Variants in SUGCT observed in about 807,000 individuals in gnomAD.
SUGCT encodes succinyl-CoA:glutarate-CoA transferase.
Under a neutral mutation model 55.0 loss-of-function variants are expected in SUGCT, and 41 were observed. The observed-to-expected ratio is 0.74, with a 90% CI of 0.58 to 0.97. The LOEUF (loss-of-function observed/expected upper bound fraction) is 0.97. Among genes scored for constraint, SUGCT ranks in the 50% least tolerant of loss-of-function variants. SUGCT has a pLI of 0.00. For synonymous variants in SUGCT, 187 were observed against 200.4 expected (o/e 0.93, Z 0.56); for missense variants, 568 against 547.8 (o/e 1.04, Z -0.37).
intron 11 of SUGCT, among the ~76,000 whole-genome samples, chr7:40,482,036 C>T (rs894645849): frequency 5.3e-5 from 8 of 151,900 alleles, no homozygotes; most frequent in Admixed American, 3.9e-4. Flanking sequence ...AAACTTGTTC[C>T]GTGAATAAAT....
At chr7:40,366,696 A>T (rs1583522867) in intron 9 of SUGCT, among the ~76,000 whole-genome samples, 2 of 152,300 alleles carry the variant, frequency 1.3e-5, no homozygotes, top group South Asian at 2.1e-4. Context: ...AGAGAAATGC[A>T]AATCAAAACC....
At position 40,822,240 on chromosome 7, in the gene SUGCT, G is replaced by T. The variant is rs181895112; in HGVS notation, c.1154-38076G>T. 6.0e-4 allele frequency among the ~76,000 whole-genome samples: 92 copies of T among 152,312 alleles called. 2 individuals are homozygous for T. Among genetic ancestry groups the T allele is most frequent in the Admixed American group, 2.9e-3 (44 of 15,304 alleles). On this transcript the variant is annotated intron_variant, in intron 13 of 13. Transcript: ENST00000335693. ...TGGTGCTGAGAAGAATGTATATTCT[G>T]TTGATTTTGGGTGGAGAGTTCTATA...
At position 40,135,123 on chromosome 7, in the gene SUGCT, A is replaced by G; in HGVS notation, c.100+3A>G. 2 of 1,549,284 alleles carry G rather than the reference A, an allele frequency of 1.3e-6. No homozygotes were observed. The highest frequency in any genetic ancestry group is 1.7e-6 in the Non-Finnish European group (2 of 1,147,428). On this transcript the variant is annotated splice_donor_region_variant and intron_variant, in intron 1 of 13. Transcript: ENST00000335693. ...GTGGACTGGCCGCCCGCAGTCAGGT[A>G]CCCTCCGAGATTCGGTCTGGGTGGC...
At chr7:40,300,523 A>C (rs558286125) in intron 8 of SUGCT, among the ~76,000 whole-genome samples, 2 of 152,362 alleles carry the variant, frequency 1.3e-5, no homozygotes, top group Admixed American at 1.3e-4. Context: ...GGGTTTTATC[A>C]TATTACAGTC....
chr7:40,355,353 T>G lies in SUGCT; in HGVS notation c.816+38498T>G, dbSNP rs191996314. ...ATCTCATTCATCTTTCAGACATTTA[T>G]GTCAATCAAAACCTATGACAATTTC... On this transcript the variant is annotated intron_variant, in intron 9 of 13. Coordinates refer to ENST00000335693, the MANE Select transcript of SUGCT (RefSeq NM_001193313.2). 2.7e-3 allele frequency among the ~76,000 whole-genome samples: 410 copies of G among 152,376 alleles called. 12 individuals are homozygous for G. In the South Asian group the frequency reaches 0.059, roughly 22 times the overall value.
At chr7:40,774,809 G>C (rs1226208563) in intron 13 of SUGCT, among the ~76,000 whole-genome samples, 2 of 150,138 alleles carry the variant, frequency 1.3e-5, no homozygotes, top group African/African-American at 4.9e-5. Flanking sequence ...AATTTGGTGT[G>C]AACATCAAGA....
At chr7:40,816,121 A>G (rs12701837) in intron 13 of SUGCT, among the ~76,000 whole-genome samples, 61,112 of 152,122 alleles carry the variant, frequency 0.4, 13,063 homozygotes, top group Middle Eastern at 0.57. Flanking sequence ...TTGCAATGTG[A>G]GGAGCACAAT....
At chr7:40,871,119 G>A in the SUGCT span, among the ~76,000 whole-genome samples, 1 of 152,074 alleles carries the variant, frequency 6.6e-6, no homozygotes, top group Non-Finnish European at 1.5e-5. Flanking sequence ...AATTGTTACT[G>A]GAATATCATT....
intron 13 of SUGCT, among the ~76,000 whole-genome samples, chr7:40,841,504 T>G (rs1053542222): frequency 6.6e-6 from 1 of 152,174 alleles, no homozygotes; most frequent in African/African-American, 2.4e-5. Flanking sequence ...TCAGTTACTC[T>G]TAAAAATAAG....
chr7:40,445,123 C>G (rs1430274578), intron 9 of SUGCT, among the ~76,000 whole-genome samples: 1 of 151,210 alleles, frequency 6.6e-6, no homozygotes, highest in Non-Finnish European at 1.5e-5. Flanking sequence ...TGATTTGGTG[C>G]AGAAGGCAAG....
At chr7:40,182,603 G>A (rs1216992907) in intron 3 of SUGCT, among the ~76,000 whole-genome samples, 1 of 150,808 alleles carries the variant, frequency 6.6e-6, no homozygotes, top group African/African-American at 2.4e-5. Flanking sequence ...CTGAGATGCA[G>A]CGTATAACAA....
chr7:40,828,396 C>G (rs1792463970), intron 13 of SUGCT, among the ~76,000 whole-genome samples: 1 of 152,042 alleles, frequency 6.6e-6, no homozygotes. Context: ...GAATGATCCT[C>G]TCCTTTCTCT....
At chr7:40,290,125 T>C (rs1428903782) in intron 8 of SUGCT, among the ~76,000 whole-genome samples, 2 of 151,644 alleles carry the variant, frequency 1.3e-5, no homozygotes, top group African/African-American at 4.8e-5. Flanking sequence ...AAGCTACCAA[T>C]GACTTTCTTC....
At chr7:40,827,044 T>G (rs1318155377) in intron 13 of SUGCT, among the ~76,000 whole-genome samples, 2 of 152,220 alleles carry the variant, frequency 1.3e-5, no homozygotes, top group African/African-American at 4.8e-5. Flanking sequence ...CTTCAATTTT[T>G]TTGTGGTATG....
At chr7:40,559,522 A>AT (rs1375080514) in intron 12 of SUGCT, among the ~76,000 whole-genome samples, 1 of 152,196 alleles carries the variant, frequency 6.6e-6, no homozygotes, top group Non-Finnish European at 1.5e-5. Flanking sequence ...CATTTTTATC[A>AT]TAAATGGTGA....
At chr7:40,465,933 G>A (rs757545727) in intron 11 of SUGCT, among the ~76,000 whole-genome samples, 8 of 152,006 alleles carry the variant, frequency 5.3e-5, no homozygotes, top group African/African-American at 1.4e-4. Flanking sequence ...CCAGGCTAGC[G>A]TGCGGTAGTG....
intron 1 of SUGCT, among the ~76,000 whole-genome samples, chr7:40,164,510 ATTTAC>A (rs754011568): frequency 1.3e-5 from 2 of 152,058 alleles, no homozygotes; most frequent in Non-Finnish European, 2.9e-5. Context: ...GTGTCTCTGT[ATTTAC>A]TTTATTAATG....
chr7:40,328,375 G>C (rs775963970), intron 9 of SUGCT, among the ~76,000 whole-genome samples: 7 of 152,174 alleles, frequency 4.6e-5, no homozygotes, highest in African/African-American at 1.4e-4. Flanking sequence ...CAGTCCTTGA[G>C]CAATATAGGA....
chr7:40,881,388 C>A, the SUGCT span, among the ~76,000 whole-genome samples: 4 of 151,994 alleles, frequency 2.6e-5, no homozygotes, highest in Non-Finnish European at 5.9e-5. Flanking sequence ...AAAAGCAATT[C>A]TTCTGGGGAC....
Sources: allele counts gnomAD v4.1 joint callset (sites outside exome capture counted in the v4.1 genomes callset), GRCh38; gene constraint gnomAD v4.1.1; transcripts MANE v1.5; gene names NCBI Gene and HGNC (gene_info 2026-07-23, HGNC 2026-07-21).